IGSF9B: variants seen among roughly 807,000 people sequenced by gnomAD.
IGSF9B encodes the protein immunoglobulin superfamily member 9B.
A neutral mutation model predicts 143.7 loss-of-function variants in IGSF9B; 48 were observed. The observed-to-expected ratio is 0.33, with a 90% confidence interval of 0.26 to 0.42. The LOEUF (loss-of-function observed/expected upper bound fraction) is 0.42. Ranked by LOEUF, IGSF9B falls within the 20% of genes least tolerant of loss-of-function variation. The probability of loss-of-function intolerance (pLI) is 1.00; values close to 1 mark genes in which losing one functional copy is unlikely to be tolerated. For synonymous variants in IGSF9B, 903 were observed against 833.1 expected, an observed-to-expected ratio of 1.08 and a Z score of -1.44; for missense variants, 1,706 against 1,980.0, an observed-to-expected ratio of 0.86 and a Z score of 2.63.
intron 15 of IGSF9B, among the ~76,000 whole-genome samples, chr11:133,924,037 G>A (rs1386390483): frequency 2.6e-5 from 4 of 152,130 alleles, no homozygotes; most frequent in East Asian, 1.9e-4. Context: ...CCCTGCTCTC[G>A]TGCTCCCTGC....
At chr11:133,925,340 T>C (rs1377049675) in intron 14 of IGSF9B, among the ~76,000 whole-genome samples, 2 of 152,192 alleles carry the variant, frequency 1.3e-5, no homozygotes. Context: ...GAGCTCTAAA[T>C]TACTGGAGAA....
Position 133,920,708 on chromosome 11 carries a change from G to A in IGSF9B, c.3017C>T (p.Pro1006Leu). The change falls in exon 18 of 20, where the codon CCC becomes CTC. Residue 1006 changes from proline (P) to leucine (L), a missense_variant. Transcript: ENST00000533871. ...MSSPPLPTEGPFGHPTIPEEN... is the reference protein window; with the variant it reads ...MSSPPLPTEGLFGHPTIPEEN... ...CTCGGGGATGGTGGGGTGGCCAAAG[G>A]GCCCCTCGGTGGGCAGGGGCGGGGA... 1 of 1,613,334 alleles carries A rather than the reference G, an allele frequency of 6.2e-7. No individual in the cohort carries two copies. Among genetic ancestry groups the A allele is most frequent in the Non-Finnish European group, 8.5e-7 (1 of 1,179,636 alleles).
chr11:133,937,050 A>T (rs1939837801), intron 5 of IGSF9B, among the ~76,000 whole-genome samples: 1 of 152,180 alleles, frequency 6.6e-6, no homozygotes, highest in Admixed American at 6.5e-5. Flanking sequence ...GACCCCAGGG[A>T]GGTCTCCTCT....
intron 6 of IGSF9B, 118 bp from the exon 7 acceptor site, chr11:133,935,880 AG>A (rs1453464945): frequency 2.8e-6 from 4 of 1,427,852 alleles, no homozygotes; most frequent in Non-Finnish European, 3.8e-6. Flanking sequence ...TGGCATCCCC[AG>A]GGCCCCTCCA....
intron 19 of IGSF9B, among the ~76,000 whole-genome samples, chr11:133,911,285 G>T (rs565093839): frequency 6.6e-6 from 1 of 152,156 alleles, no homozygotes; most frequent in African/African-American, 2.4e-5. Context: ...GACATACTTC[G>T]ATAGAGGCAT....
intron 1 of IGSF9B, among the ~76,000 whole-genome samples, chr11:133,954,384 G>T (rs1178834875): frequency 1.3e-5 from 2 of 152,094 alleles, no homozygotes; most frequent in Non-Finnish European, 2.9e-5. Flanking sequence ...GCCCAGACAA[G>T]GTCAGCCCAG....
chr11:133,942,642 C>T (rs1031467456), intron 3 of IGSF9B, among the ~76,000 whole-genome samples: 1 of 152,160 alleles, frequency 6.6e-6, no homozygotes, highest in Non-Finnish European at 1.5e-5. Context: ...AGAGCACAGT[C>T]GAGAAGGGAA....
At position 133,903,482 on chromosome 11, in the gene IGSF9B, T is replaced by C. The variant is rs371453685; in HGVS notation, c.*5587A>G. Among the ~76,000 whole-genome samples the C allele has an allele frequency of 4.1e-4, 63 of 152,334 alleles. No individual in the cohort carries two copies. Among genetic ancestry groups the C allele is most frequent in the Middle Eastern group, 6.8e-3 (2 of 294 alleles). Reference sequence around the variant, plus strand: ...ACAACACCCATGTGATTTTAATGACTGGCCACTGTTCCACCAGAGTATATG... The same window carrying C: ...ACAACACCCATGTGATTTTAATGACCGGCCACTGTTCCACCAGAGTATATG... On this transcript the variant is annotated 3_prime_UTR_variant, in exon 20 of 20. Coordinates refer to ENST00000533871, the MANE Select transcript of IGSF9B (RefSeq NM_001277285.4).
chr11:133,919,538 C>A (rs970179394), intron 18 of IGSF9B, among the ~76,000 whole-genome samples: 2 of 152,234 alleles, frequency 1.3e-5, no homozygotes, highest in African/African-American at 2.4e-5. Flanking sequence ...CCCGGCAGGG[C>A]ACCTGGGCAG....
chr11:133,955,138 G>A (rs904598875), intron 1 of IGSF9B, among the ~76,000 whole-genome samples: 31 of 152,108 alleles, frequency 2.0e-4, no homozygotes, highest in Admixed American at 7.2e-4. Context: ...AAAAACGGGA[G>A]GGGAGGAGGA....
chr11:133,913,757 G>A lies in IGSF9B; in HGVS notation c.3984-1750C>T, dbSNP rs148961117. On this transcript the variant is annotated intron_variant, in intron 18 of 19. Coordinates refer to ENST00000533871, the MANE Select transcript of IGSF9B (RefSeq NM_001277285.4). The surrounding 1 kb of genome is among the most constrained non-coding windows in gnomAD (Gnocchi z 4.6). ...AGGCAGACAAAGGGTGCAGGTGCCC[G>A]GGCGGGAGGCAGCACACCTTCCCAG... Among the ~76,000 whole-genome samples, 198 of 152,310 alleles carry A rather than the reference G, an allele frequency of 1.3e-3. No individual in the cohort carries two copies. Among genetic ancestry groups the A allele is most frequent in the African/African-American group, 4.4e-3 (182 of 41,552 alleles).
rs1179107864 is a variant in IGSF9B at position 133,920,265 on chromosome 11, C to T, written c.3460G>A (p.Glu1154Lys). The T allele has an allele frequency of 1.2e-5, 18 of 1,520,018 alleles. No homozygotes were observed. The highest frequency in any genetic ancestry group is 2.8e-5 in the African/African-American group (2 of 71,742). 94.2% of individuals were successfully genotyped at this position (1,520,018 alleles called of 1,614,324 possible). ...IPVLPYPEPA[E>K]PGAHGGPSTF... ...CTGGGGCCGCCGTGCGCCCCCGGCTCAGCCGGCTCGGGGTAAGGCAGCACA... is the reference window on the plus strand; with the variant it reads ...CTGGGGCCGCCGTGCGCCCCCGGCTTAGCCGGCTCGGGGTAAGGCAGCACA... Residue 1154 changes from glutamate to lysine, a missense_variant, in exon 18 of 20, where the codon GAG becomes AAG. Around this residue, in one of 7 missense-constraint regions of IGSF9B, gnomAD observed 880 missense variants for 762.9 expected, o/e 1.15. Coordinates refer to ENST00000533871, the MANE Select transcript of IGSF9B (RefSeq NM_001277285.4).
chr11:133,940,766 C>T (rs973551621), intron 3 of IGSF9B, among the ~76,000 whole-genome samples: 77 of 152,190 alleles, frequency 5.1e-4, no homozygotes, highest in African/African-American at 1.4e-3. Flanking sequence ...TCCTCACACG[C>T]GTCATCACAT....
intron 3 of IGSF9B, among the ~76,000 whole-genome samples, chr11:133,940,097 GCAT>G (rs1214066669): frequency 3.8e-5 from 5 of 132,896 alleles, no homozygotes; most frequent in Admixed American, 3.2e-4. Flanking sequence ...GTCCCCGCAC[GCAT>G]CATCACATAA....
chr11:133,937,251 C>T, intron 5 of IGSF9B, 125 bp downstream of exon 5: 1 of 668,826 alleles, frequency 1.5e-6, no homozygotes, highest in Non-Finnish European at 2.6e-6. Context: ...CCGCACAGGT[C>T]CTCATGGCCG....
At chr11:133,921,964 A>G (rs1939547783) in intron 17 of IGSF9B, among the ~76,000 whole-genome samples, 1 of 152,174 alleles carries the variant, frequency 6.6e-6, no homozygotes, top group Non-Finnish European at 1.5e-5. Context: ...CACTCCCTCT[A>G]CCAGCGTGGA....
intron 1 of IGSF9B, among the ~76,000 whole-genome samples, chr11:133,954,407 C>T (rs1156744209): frequency 1.3e-5 from 2 of 152,166 alleles, no homozygotes; most frequent in African/African-American, 4.8e-5. Context: ...AGGGGTCTTA[C>T]TTCCTGACAC....
In IGSF9B at chr11:133,913,135, G is replaced by A. The variant is rs147719398; in HGVS notation, c.3984-1128C>T. Among the ~76,000 whole-genome samples, 226 of 152,316 alleles carry A rather than the reference G, an allele frequency of 1.5e-3. 1 individual carries two copies. Among genetic ancestry groups the A allele is most frequent in the African/African-American group, 5.2e-3 (215 of 41,568 alleles). ...CCCACCAGCGCTGGCATTAGCACGT[G>A]ATCAGAGAAGCAGGGACGCTCTGGG... On this transcript the variant is annotated intron_variant, in intron 18 of 19. Transcript: ENST00000533871. This position sits in a 1 kb window ranked among gnomAD's most constrained non-coding sequence, Gnocchi z 4.6.
intron 18 of IGSF9B, among the ~76,000 whole-genome samples, chr11:133,918,434 G>A (rs1939435001): frequency 6.6e-6 from 1 of 152,282 alleles, no homozygotes; most frequent in South Asian, 2.1e-4. Flanking sequence ...GAGGGAGGAG[G>A]AGAGAGACGG....
Sources: allele counts gnomAD v4.1 joint callset (sites outside exome capture counted in the v4.1 genomes callset), GRCh38; gene constraint gnomAD v4.1.1; regional missense constraint gnomAD v4.1.1; non-coding constraint Gnocchi (gnomAD v3.1); transcripts MANE v1.5; gene names NCBI Gene and HGNC (gene_info 2026-07-23, HGNC 2026-07-21).